The following FANCD2 variants were observed in gnomAD, a reference collection of about 807,000 sequenced individuals.
FANCD2 encodes Fanconi anemia group D2 protein.
FANCD2 carries 131 observed loss-of-function variants against 192.3 expected under a neutral mutation model. The observed-to-expected ratio is 0.68, with a 90% CI of 0.59 to 0.79. The LOEUF (loss-of-function observed/expected upper bound fraction) is 0.79. FANCD2 is among the 30% of genes least tolerant of loss of function. The pLI, the probability that FANCD2 is intolerant of heterozygous loss-of-function variation, is 0.00. For synonymous variants in FANCD2, 524 were observed against 612.5 expected, an observed-to-expected ratio of 0.86 and a Z score of 2.13; for missense variants, 1,508 against 1,701.6, an observed-to-expected ratio of 0.89 and a Z score of 2.00.
intron 18 of FANCD2, among the ~76,000 whole-genome samples, chr3:10,057,568 T>G (rs2087450474): frequency 6.6e-6 from 1 of 152,120 alleles, no homozygotes; most frequent in Non-Finnish European, 1.5e-5. Context: ...TTTCACCATG[T>G]TGGCCAGGAT....
chr3:10,052,215 T>C (rs891342003), intron 17 of FANCD2, among the ~76,000 whole-genome samples, 172 bp from the exon 18 acceptor site: 1 of 152,198 alleles, frequency 6.6e-6, no homozygotes, highest in African/African-American at 2.4e-5. Context: ...TATCAAACCT[T>C]TGGGCTCTGA....
rs1243861311 is a variant in FANCD2 at position 10,064,463 on chromosome 3, T to C, written c.2021+34T>C. ...TGTTTACCTGCTGGCTTGGTTGCAC[T>C]GGTGAAGTTACATCAATTCTGTCAG... On this transcript the variant is annotated intron_variant, in intron 22 of 43. Transcript: ENST00000675286. The C allele has an allele frequency of 7.6e-6, 12 of 1,571,562 alleles. No homozygotes were observed. The East Asian group carries it at 2.7e-4, about 35-fold the overall frequency.
At chr3:10,039,937 T>TTTTAGATAGAAGAGA in intron 9 of FANCD2, 92 bp downstream of exon 9, 1 of 1,490,730 alleles carries the variant, frequency 6.7e-7, no homozygotes, top group Non-Finnish European at 9.3e-7. Flanking sequence ...TATGGTCTCT[T>TTTTAGATAGAAGAGA]CTATCTAAAA....
intron 30 of FANCD2, among the ~76,000 whole-genome samples, 189 bp downstream of exon 30, chr3:10,078,386 G>A (rs939138267): frequency 2.6e-5 from 4 of 151,932 alleles, no homozygotes; most frequent in African/African-American, 4.8e-5. Flanking sequence ...ATGGAGTCTC[G>A]CTCTGTCGCC....
At chr3:10,088,301 C>T (rs1694358270) in intron 34 of FANCD2, 148 bp from the exon 35 acceptor site, 3 of 694,228 alleles carry the variant, frequency 4.3e-6, no homozygotes, top group South Asian at 3.0e-5. Context: ...AACGTGACAG[C>T]TTTTTGTAAG....
Position 10,065,394 on chromosome 3 carries a change from A to AT in FANCD2, c.2171dup (p.Leu724PhefsTer23), listed in dbSNP as rs2087689739. Reference sequence around the variant, plus strand: ...CTAGAAATTTATTTCTCCTTCTCAGATTGGTGTCTCCGCTGTGCCTGGCTC... The same window carrying AT: ...CTAGAAATTTATTTCTCCTTCTCAGATTTGGTGTCTCCGCTGTGCCTGGCTC... On this transcript the variant is annotated frameshift_variant and splice_region_variant, in exon 24 of 44. Coordinates refer to ENST00000675286, the MANE Select transcript of FANCD2 (RefSeq NM_001018115.3). LOFTEE classifies it high-confidence loss of function. The AT allele has an allele frequency of 6.2e-7, 1 of 1,607,298 alleles. No homozygotes were observed. Among genetic ancestry groups the AT allele is most frequent in the Non-Finnish European group, 8.5e-7 (1 of 1,173,920 alleles).
At chr3:10,059,659 G>A (rs1195097794) in intron 18 of FANCD2, among the ~76,000 whole-genome samples, 2 of 151,936 alleles carry the variant, frequency 1.3e-5, no homozygotes, top group South Asian at 2.1e-4. Context: ...AAAATTATCC[G>A]GGCGTGGTTG....
rs767901156 is a variant in FANCD2, at chr3:10,081,346, T to A, written c.3106T>A (p.Cys1036Ser). 3 of 1,613,426 alleles carry A rather than the reference T, an allele frequency of 1.9e-6. No homozygotes were observed. In the East Asian group the frequency reaches 6.7e-5, roughly 36 times the overall value. Residue 1036 changes from cysteine (C) to serine (S), a missense_variant and splice_region_variant, in exon 32 of 44, where the codon TGT (cysteine) becomes AGT (serine). Physicochemically the swap from Cys to Ser is moderately radical, Grantham distance 112 (BLOSUM62 -1). This residue lies in a region of FANCD2 where 796 missense variants were observed against 879.4 expected (regional missense o/e 0.91). Coordinates refer to ENST00000675286, the MANE Select transcript of FANCD2 (RefSeq NM_001018115.3). ...HLENIHNYFQ[C>S]LAAENHGVVD... is the part of the protein sequence containing the mutation. The stretch of plus-strand genomic sequence containing the variant: ...GTCCTAAAATCATTTTTATTTTTAG[T>A]GTTTAGCTGCTGAGAATCACGGTGT...
chr3:10,054,974 C>T (rs1306100423), intron 18 of FANCD2, among the ~76,000 whole-genome samples: 1 of 151,962 alleles, frequency 6.6e-6, no homozygotes, highest in Non-Finnish European at 1.5e-5. Flanking sequence ...GGTTTGTCTC[C>T]CACAGGGGCA....
rs367824549 is a variant in FANCD2 at position 10,043,069 on chromosome 3, A to G, written c.908A>G (p.Glu303Gly). The G allele has an allele frequency of 1.2e-6, 2 of 1,614,098 alleles. No homozygotes were observed. Among genetic ancestry groups the G allele is most frequent in the Non-Finnish European group, 1.7e-6 (2 of 1,180,008 alleles). The change falls in exon 12 of 44, where the codon GAG becomes GGG. Residue 303 changes from glutamate (E) to glycine (G), a missense_variant. By Grantham distance (98) the Glu-to-Gly change is moderately conservative. Transcript: ENST00000675286. ...CTGCAGGTAATTTCTGAGCTTCGGG[A>G]GAAGTTGGATCTGCAGCATTGTGTT... The part of the protein sequence containing the change: ...DTLEVISELR[E>G]KLDLQHCVLP...
At chr3:10,034,332 A>AAAAG (rs2086677142) in intron 3 of FANCD2, 137 bp from the exon 4 acceptor site, 2 of 663,326 alleles carry the variant, frequency 3.0e-6, no homozygotes, top group Non-Finnish European at 5.2e-6. Context: ...CTCAAAAAAA[A>AAAAG]AAAAAAAAAA....
intron 14 of FANCD2, chr3:10,045,538 T>A (rs1321896527): frequency 6.6e-6 from 1 of 151,288 alleles, no homozygotes; most frequent in African/African-American, 2.5e-5. Flanking sequence ...TTATTGAACC[T>A]TTCCTGTATT....
intron 26 of FANCD2, among the ~76,000 whole-genome samples, chr3:10,071,979 C>T (rs1693277954): frequency 6.6e-6 from 1 of 152,128 alleles, no homozygotes; most frequent in South Asian, 2.1e-4. Flanking sequence ...GGGCTTGTCT[C>T]GAACTCCTGA....
At chr3:10,092,049 T>G in intron 37 of FANCD2, 132 bp from the exon 38 acceptor site, 2 of 789,636 alleles carry the variant, frequency 2.5e-6, no homozygotes, top group Admixed American at 3.4e-5. Flanking sequence ...GATGCACTGG[T>G]TGCTACATCT....
At chr3:10,049,660 C>T (rs1575763093) in intron 17 of FANCD2, among the ~76,000 whole-genome samples, 155 bp downstream of exon 17, 1 of 152,178 alleles carries the variant, frequency 6.6e-6, no homozygotes, top group African/African-American at 2.4e-5. Context: ...TATACCTAAC[C>T]TACAGGCTAA....
At chr3:10,100,078 C>T (rs1224065027) in intron 43 of FANCD2, among the ~76,000 whole-genome samples, 2 of 151,842 alleles carry the variant, frequency 1.3e-5, no homozygotes, top group Non-Finnish European at 2.9e-5. Flanking sequence ...GTCCCTGCTA[C>T]ACAGGAGGCT....
intron 29 of FANCD2, among the ~76,000 whole-genome samples, chr3:10,075,630 A>G (rs1339862960): frequency 6.6e-6 from 1 of 152,064 alleles, no homozygotes; most frequent in African/African-American, 2.4e-5. Context: ...ATTTCATCAG[A>G]GAGTAGAATT....
intron 29 of FANCD2, among the ~76,000 whole-genome samples, chr3:10,076,317 T>G (rs1420331025): frequency 6.6e-6 from 1 of 151,894 alleles, no homozygotes; most frequent in East Asian, 1.9e-4. Flanking sequence ...GTGTGTGGCA[T>G]TCAAAGTCAT....
At chr3:10,089,130 C>T (rs932773198) in intron 36 of FANCD2, among the ~76,000 whole-genome samples, 180 bp downstream of exon 36, 1 of 151,982 alleles carries the variant, frequency 6.6e-6, no homozygotes, top group Non-Finnish European at 1.5e-5. Flanking sequence ...ACTAAAAATA[C>T]AAAAATTAGC....
Sources: allele counts gnomAD v4.1 joint callset (sites outside exome capture counted in the v4.1 genomes callset), GRCh38; gene constraint gnomAD v4.1.1; regional missense constraint gnomAD v4.1.1; transcripts MANE v1.5; gene names NCBI Gene and HGNC (gene_info 2026-07-23, HGNC 2026-07-21).